The following SETDB1 variants were observed in gnomAD, a reference collection of about 807,000 sequenced individuals.
SETDB1 encodes SET domain bifurcated histone lysine methyltransferase 1.
Under a neutral mutation model 137.4 loss-of-function variants are expected in SETDB1, and 31 were observed. The ratio of observed to expected loss-of-function variants is 0.23; its 90% confidence interval spans 0.17 to 0.30. The LOEUF is 0.30. Among genes scored for constraint, SETDB1 ranks in the 10% least tolerant of loss-of-function variants. The pLI is 1.00. For synonymous variants in SETDB1, 548 were observed against 579.9 expected, an observed-to-expected ratio of 0.95 and a Z score of 0.79; for missense variants, 1,113 against 1,631.5, an observed-to-expected ratio of 0.68 and a Z score of 5.47.
rs762391736 is a variant in SETDB1 at position 150,962,671 on chromosome 1, T to C, written c.3246T>C (p.Ser1082=). Residue 1082 remains serine (S), a synonymous_variant, in exon 18 of 22, where the codon AGT becomes AGC. Transcript: ENST00000692827. ...TTCGCCGCCCACCTAGTAAGACTAG[T>C]ATGCATCAAAGCCGAAGACTCATGG... is the stretch of plus-strand genomic sequence containing the variant. ...EGLRRPPSKT[S]MHQSRRLMAS... 1 of 1,614,024 alleles carries C rather than the reference T, an allele frequency of 6.2e-7. No homozygotes were observed. The highest frequency in any genetic ancestry group is 1.1e-5 in the South Asian group (1 of 91,072).
chr1:150,953,526 C>CAA (rs71580345), intron 14 of SETDB1, among the ~76,000 whole-genome samples: 103 of 139,772 alleles, frequency 7.4e-4, no homozygotes, highest in Middle Eastern at 3.6e-3. Flanking sequence ...AATTCTATCT[C>CAA]AAAAAAAAAA....
intron 5 of SETDB1, among the ~76,000 whole-genome samples, chr1:150,941,908 G>A (rs1017230071): frequency 1.3e-5 from 2 of 152,056 alleles, no homozygotes; most frequent in Non-Finnish European, 2.9e-5. Flanking sequence ...TTGGGAGGCC[G>A]AGGTGGGCGG....
chr1:150,958,614 T>C (rs1670728030), intron 14 of SETDB1, among the ~76,000 whole-genome samples: 1 of 152,192 alleles, frequency 6.6e-6, no homozygotes, highest in African/African-American at 2.4e-5. Flanking sequence ...AATTGTTTAC[T>C]GAATGAAAGA....
intron 7 of SETDB1, among the ~76,000 whole-genome samples, chr1:150,943,606 G>A (rs1394981217): frequency 6.6e-6 from 1 of 152,182 alleles, no homozygotes; most frequent in Non-Finnish European, 1.5e-5. Context: ...AACCTGGGAG[G>A]CAGTGGTTGC....
At position 150,963,038 on chromosome 1, in the gene SETDB1, C is replaced by T; in HGVS notation, c.3359C>T (p.Thr1120Ile). Reference protein sequence around the residue: ...EGESGTSRKPTAGQTSATAVD... With the variant: ...EGESGTSRKPIAGQTSATAVD... Reference sequence around the variant, plus strand: ...GAAAGTGGGACCAGCCGAAAGCCCACTGCTGGTCAGACTTCGGCTACAGCG... The same window carrying T: ...GAAAGTGGGACCAGCCGAAAGCCCATTGCTGGTCAGACTTCGGCTACAGCG... Residue 1120 changes from threonine to isoleucine, a missense_variant, in exon 19 of 22, where the codon ACT becomes ATT. Physicochemically the swap from Thr to Ile is moderately conservative, Grantham distance 89 (BLOSUM62 -1). This residue lies in a region of SETDB1 where 373 missense variants were observed against 412.7 expected (regional missense o/e 0.90). Coordinates refer to ENST00000692827, the MANE Select transcript of SETDB1 (RefSeq NM_001366418.1). 1 of 1,614,204 alleles carries T rather than the reference C, an allele frequency of 6.2e-7. No homozygotes were observed.
rs1670078938 is a variant in SETDB1 at position 150,939,912 on chromosome 1, C to G, written c.413-28C>G. 3.1e-6 allele frequency: 5 copies of G among 1,589,480 alleles called. No individual in the cohort carries two copies. In the East Asian group the frequency reaches 1.1e-4, roughly 36 times the overall value. ...GAAGTTCCTCTGTGTAAGTCTCTGA[C>G]ACTCATTAGAGTTCTTCTCGTCCAT... On this transcript the variant is annotated intron_variant, in intron 3 of 21. Transcript: ENST00000692827.
intron 14 of SETDB1, among the ~76,000 whole-genome samples, chr1:150,953,266 T>C (rs1670548269): frequency 6.6e-6 from 1 of 152,194 alleles, no homozygotes; most frequent in African/African-American, 2.4e-5. Context: ...GGCTCACGCC[T>C]GTAATCCCAG....
chr1:150,936,839 T>G (rs61819169), intron 3 of SETDB1, among the ~76,000 whole-genome samples: 1 of 151,750 alleles, frequency 6.6e-6, no homozygotes, highest in Non-Finnish European at 1.5e-5. Flanking sequence ...AAAAAAAATT[T>G]GTAGGTTGCT....
At chr1:150,938,973 C>A (rs1206497667) in intron 3 of SETDB1, among the ~76,000 whole-genome samples, 1 of 152,118 alleles carries the variant, frequency 6.6e-6, no homozygotes, top group African/African-American at 2.4e-5. Flanking sequence ...ACTGGTCTTA[C>A]GCTGCACCAA....
rs775751279 is a variant in SETDB1, at chr1:150,942,553, T to G, written c.548-10T>G. 1.4e-5 allele frequency: 22 copies of G among 1,606,394 alleles called. No homozygotes were observed. Among genetic ancestry groups the G allele is most frequent in the African/African-American group, 2.7e-5 (2 of 74,504 alleles). ...CATAACTCTTGAGAATAACTTTGCT[T>G]CTTCTATAGGAACCTTGAGTCAGAT... On this transcript the variant is annotated splice_polypyrimidine_tract_variant and intron_variant, in intron 5 of 21. Coordinates refer to ENST00000692827, the MANE Select transcript of SETDB1 (RefSeq NM_001366418.1).
rs1468882867 is a variant in SETDB1, at chr1:150,962,642, G to A, written c.3217G>A (p.Gly1073Arg). The A allele has an allele frequency of 6.2e-7, 1 of 1,613,612 alleles. No individual in the cohort carries two copies. The highest frequency in any genetic ancestry group is 1.1e-5 in the South Asian group (1 of 91,074). Residue 1073 changes from glycine to arginine, a missense_variant, in exon 18 of 22, where the codon GGA (glycine) becomes AGA (arginine). Gly to Arg is a moderately radical substitution (Grantham distance 125). Coordinates refer to ENST00000692827, the MANE Select transcript of SETDB1 (RefSeq NM_001366418.1). ...GYNPSPVKPEGLRRPPSKTSM... is the reference protein window; with the variant it reads ...GYNPSPVKPERLRRPPSKTSM... ...CAATCCTTCTCCTGTGAAGCCTGAA[G>A]GACTTCGCCGCCCACCTAGTAAGAC...
chr1:150,961,216 G>A, intron 16 of SETDB1, 25 bp downstream of exon 16: 1 of 1,608,408 alleles, frequency 6.2e-7, no homozygotes, highest in South Asian at 1.1e-5. Flanking sequence ...AACACTCTGA[G>A]AGCTATGGCT....
chr1:150,962,734 G>C lies in SETDB1; in HGVS notation c.3294+15G>C, dbSNP rs769500978. On this transcript the variant is annotated intron_variant, in intron 18 of 21. Coordinates refer to ENST00000692827, the MANE Select transcript of SETDB1 (RefSeq NM_001366418.1). ...CCAACCCTGATGTAAGTCACCTCAA[G>C]CTTATTCAGAGTCTAATAAAGGAAA... The C allele has an allele frequency of 5.0e-6, 8 of 1,612,392 alleles. No homozygotes were observed. In the East Asian group the frequency reaches 1.8e-4, roughly 36 times the overall value.
In SETDB1 at chr1:150,964,611, T is replaced by C; in HGVS notation, c.*247T>C. 1.5e-6 allele frequency: 1 copy of C among 654,050 alleles called. No individual in the cohort carries two copies. Among genetic ancestry groups the C allele is most frequent in the Non-Finnish European group, 2.8e-6 (1 of 360,136 alleles). The allele number at this position is 654,050 out of a possible 1,614,324, so 40.5% of individuals were successfully genotyped here. On this transcript the variant is annotated 3_prime_UTR_variant, in exon 22 of 22. Coordinates refer to ENST00000692827, the MANE Select transcript of SETDB1 (RefSeq NM_001366418.1). ...CACTCTAACCTCGGCCTGACATCCC[T>C]CCCATCCCATATTTGTCCAAGTGTT... is the stretch of plus-strand genomic sequence containing the variant.
rs1270816231 is a variant in SETDB1 at position 150,960,909 on chromosome 1, C to T, written c.2850C>T (p.Pro950=). Residue 950 remains proline (P), a synonymous_variant, in exon 16 of 22, where the codon CCC becomes CCT. Transcript: ENST00000692827. The part of the protein sequence containing the change: ...LSETTSKDSH[P]PDLGPPHIPV... ...AGACAACTTCCAAGGACTCCCACCCCCCAGATCTTGGACCCCCACATATTC... is the reference window on the plus strand; with the variant it reads ...AGACAACTTCCAAGGACTCCCACCCTCCAGATCTTGGACCCCCACATATTC... 1.9e-6 allele frequency: 3 copies of T among 1,613,106 alleles called. No individual in the cohort carries two copies. The highest frequency in any genetic ancestry group is 2.2e-5 in the East Asian group (1 of 44,878).
At chr1:150,958,550 C>G (rs976839600) in intron 14 of SETDB1, among the ~76,000 whole-genome samples, 1 of 148,470 alleles carries the variant, frequency 6.7e-6, no homozygotes, top group Admixed American at 6.6e-5. Flanking sequence ...ACGCCCAGCA[C>G]GATCTTTTTC....
intron 3 of SETDB1, among the ~76,000 whole-genome samples, chr1:150,932,084 A>C (rs1249560696): frequency 1.3e-5 from 2 of 151,910 alleles, no homozygotes; most frequent in East Asian, 3.9e-4. Flanking sequence ...GGATTTGCTG[A>C]TTTAAAAAAA....
At chr1:150,964,150 T>A in intron 21 of SETDB1, 67 bp downstream of exon 21, 1 of 1,529,632 alleles carries the variant, frequency 6.5e-7, no homozygotes, top group East Asian at 2.2e-5. Context: ...GGGCCCCTCC[T>A]CCATTCATGA....
chr1:150,962,479 G>T (rs1670852260), intron 17 of SETDB1, 108 bp from the exon 18 acceptor site: 5 of 1,083,864 alleles, frequency 4.6e-6, no homozygotes, highest in Admixed American at 3.6e-5. Flanking sequence ...GTCCAGCCCA[G>T]TGCCTGTCTT....
Sources: gnomAD v4.1 joint callset for allele counts (sites outside exome capture counted in the v4.1 genomes callset) on GRCh38, gnomAD v4.1.1 for gene constraint, gnomAD v4.1.1 regional missense constraint, MANE v1.5 for transcripts, NCBI Gene and HGNC (gene_info 2026-07-23, HGNC 2026-07-21) for gene names.